The following BICD1 variants were observed in gnomAD, a reference collection of about 807,000 sequenced individuals.
BICD1 encodes the protein protein bicaudal D homolog 1.
In BICD1, 35 loss-of-function variants were observed where a neutral mutation model predicts 92.5. The observed-to-expected ratio is 0.38, with a 90% confidence interval of 0.29 to 0.50. The LOEUF (loss-of-function observed/expected upper bound fraction) is 0.50, where lower values mean the gene tolerates loss of function less well. Among genes scored for constraint, BICD1 ranks in the 20% least tolerant of loss-of-function variants. The pLI is 0.93. For missense variants in BICD1, 950 were observed against 1,189.8 expected, an observed-to-expected ratio of 0.80 and a Z score of 2.97; for synonymous variants, 429 against 465.1, an observed-to-expected ratio of 0.92 and a Z score of 1.00.
intron 4 of BICD1, among the ~76,000 whole-genome samples, chr12:32,306,528 C>G (rs959962020): frequency 1.3e-5 from 2 of 151,840 alleles, no homozygotes; most frequent in Non-Finnish European, 2.9e-5. Context: ...CAGGCGTGAG[C>G]CACCGCGCCC....
At chr12:32,269,322 T>C (rs887211944) in intron 2 of BICD1, among the ~76,000 whole-genome samples, 5 of 152,212 alleles carry the variant, frequency 3.3e-5, no homozygotes, top group Non-Finnish European at 5.9e-5. Flanking sequence ...GTAATATGAA[T>C]ATTGTCCTCC....
intron 1 of BICD1, among the ~76,000 whole-genome samples, chr12:32,151,987 C>T (rs180997758): frequency 5.9e-5 from 9 of 152,196 alleles, no homozygotes; most frequent in Admixed American, 1.3e-4. Flanking sequence ...GACAGAGTCT[C>T]GCTGTGTCTC....
At chr12:32,152,997 G>C (rs1943333498) in intron 1 of BICD1, among the ~76,000 whole-genome samples, 1 of 152,096 alleles carries the variant, frequency 6.6e-6, no homozygotes, top group African/African-American at 2.4e-5. Flanking sequence ...CTGAGGTTTT[G>C]GGTATGAATG....
chr12:32,152,876 C>T (rs1361857017), intron 1 of BICD1, among the ~76,000 whole-genome samples: 1 of 152,144 alleles, frequency 6.6e-6, no homozygotes, highest in East Asian at 1.9e-4. Context: ...AAAGGTTGTT[C>T]AGTTACATTC....
At chr12:32,164,386 C>T (rs1292215899) in intron 1 of BICD1, among the ~76,000 whole-genome samples, 1 of 152,158 alleles carries the variant, frequency 6.6e-6, no homozygotes, top group African/African-American at 2.4e-5. Flanking sequence ...TCAGTTCTTT[C>T]CACCCTGTAA....
chr12:32,265,520 G>C (rs1345077802), intron 2 of BICD1, among the ~76,000 whole-genome samples: 12 of 146,304 alleles, frequency 8.2e-5, no homozygotes, highest in African/African-American at 3.0e-4. Flanking sequence ...ATCAGCCTGG[G>C]AAACATAGTG....
At chr12:32,183,296 CAG>C (rs1011699344) in intron 1 of BICD1, among the ~76,000 whole-genome samples, 17 of 144,430 alleles carry the variant, frequency 1.2e-4, no homozygotes, top group Admixed American at 9.2e-4. Context: ...TTTTTTGAGA[CAG>C]AGTCTTGCTC....
intron 2 of BICD1, among the ~76,000 whole-genome samples, chr12:32,270,403 T>G (rs1243886552): frequency 6.6e-6 from 1 of 152,206 alleles, no homozygotes; most frequent in East Asian, 1.9e-4. Flanking sequence ...TATAAAAGTT[T>G]CGTTGTTGTA....
intron 1 of BICD1, among the ~76,000 whole-genome samples, chr12:32,125,460 A>G (rs1156776957): frequency 2.0e-5 from 3 of 152,172 alleles, no homozygotes; most frequent in Non-Finnish European, 2.9e-5. Context: ...AACAGGGTCA[A>G]GAGCACTTAG....
chr12:32,225,780 C>T (rs1159078261), intron 2 of BICD1, among the ~76,000 whole-genome samples: 1 of 151,752 alleles, frequency 6.6e-6, no homozygotes, highest in African/African-American at 2.4e-5. Context: ...ACAACCACAC[C>T]CGGCTAATTT....
At chr12:32,265,918 CA>C (rs768067712) in intron 2 of BICD1, among the ~76,000 whole-genome samples, 1 of 152,088 alleles carries the variant, frequency 6.6e-6, no homozygotes, top group Non-Finnish European at 1.5e-5. Context: ...TTCTCTGCCC[CA>C]ATTACACATC....
intron 1 of BICD1, among the ~76,000 whole-genome samples, chr12:32,214,250 A>G (rs536127362): frequency 9.9e-5 from 15 of 152,128 alleles, no homozygotes; most frequent in African/African-American, 3.1e-4. Flanking sequence ...TAACTTCTCC[A>G]AAGACCCTAG....
At chr12:32,207,532 C>A (rs1174145856) in intron 1 of BICD1, among the ~76,000 whole-genome samples, 4 of 151,980 alleles carry the variant, frequency 2.6e-5, no homozygotes, top group Non-Finnish European at 5.9e-5. Context: ...AAAAAAACAT[C>A]TCATTTAAAA....
chr12:32,286,919 G>C (rs555448147), intron 2 of BICD1, among the ~76,000 whole-genome samples: 1 of 152,256 alleles, frequency 6.6e-6, no homozygotes, highest in Admixed American at 6.5e-5. Context: ...ATAATAATCA[G>C]TGTCATTCTG....
intron 1 of BICD1, among the ~76,000 whole-genome samples, chr12:32,123,857 A>C (rs957523570): frequency 1.3e-5 from 2 of 151,930 alleles, no homozygotes; most frequent in Non-Finnish European, 2.9e-5. Flanking sequence ...ATCCTGGGCG[A>C]CAGAGCAAGA....
intron 2 of BICD1, among the ~76,000 whole-genome samples, chr12:32,265,547 G>GA (rs11341415): frequency 0.051 from 6,438 of 125,630 alleles, 182 homozygotes; most frequent in Middle Eastern, 0.1. Flanking sequence ...CGTTTCTACA[G>GA]AAAAAAAAAA....
At chr12:32,265,718 TAA>T (rs35399036) in intron 2 of BICD1, among the ~76,000 whole-genome samples, 7 of 140,796 alleles carry the variant, frequency 5.0e-5, no homozygotes, top group Non-Finnish European at 4.6e-5. Context: ...AGATCCTATT[TAA>T]AAAAAAAAAA....
intron 2 of BICD1, among the ~76,000 whole-genome samples, chr12:32,255,286 A>C (rs2728801): frequency 0.65 from 99,249 of 151,838 alleles, 32,951 homozygotes; most frequent in African/African-American, 0.77. Context: ...ATCCCATTTA[A>C]TTCCCAAAGG....
At chr12:32,273,257 G>T (rs1947189045) in intron 2 of BICD1, among the ~76,000 whole-genome samples, 1 of 152,148 alleles carries the variant, frequency 6.6e-6, no homozygotes, top group Non-Finnish European at 1.5e-5. Flanking sequence ...TCATAGCCTC[G>T]ATTTCTGTTT....
Sources: allele counts gnomAD v4.1 joint callset (sites outside exome capture counted in the v4.1 genomes callset), GRCh38; gene constraint gnomAD v4.1.1; transcripts MANE v1.5; gene names NCBI Gene and HGNC (gene_info 2026-07-23, HGNC 2026-07-21).